Variants in CELF2 observed in about 807,000 individuals in gnomAD.
CELF2 encodes the protein CUGBP Elav-like family member 2.
A neutral mutation model predicts 62.6 loss-of-function variants in CELF2; 8 were observed. The observed-to-expected ratio is 0.13, with a 90% CI of 0.07 to 0.23. The LOEUF is 0.23. CELF2 is among the 10% of genes least tolerant of loss of function. The pLI is 1.00. For missense variants in CELF2, 333 were observed against 671.0 expected (o/e 0.50, Z 5.56); for synonymous variants, 258 against 250.0 (o/e 1.03, Z -0.30).
chr10:10,569,354 T>C, the CELF2 span, among the ~76,000 whole-genome samples: 1 of 152,172 alleles, frequency 6.6e-6, no homozygotes, highest in East Asian at 1.9e-4. Context: ...AAAGGGATTT[T>C]CCCTTATTAA....
chr10:10,852,076 G>A (rs190289599), intron 1 of CELF2, among the ~76,000 whole-genome samples: 12 of 152,322 alleles, frequency 7.9e-5, no homozygotes, highest in African/African-American at 2.6e-4. Context: ...TCTATCATAT[G>A]ATGTAACCAT....
chr10:10,473,434 G>A, the CELF2 span, among the ~76,000 whole-genome samples: 1 of 151,996 alleles, frequency 6.6e-6, no homozygotes, highest in Non-Finnish European at 1.5e-5. Flanking sequence ...TGATATATTT[G>A]TTGTTTTAAG....
the CELF2 span, among the ~76,000 whole-genome samples, chr10:10,571,706 T>C: frequency 6.6e-6 from 1 of 152,176 alleles, no homozygotes; most frequent in Admixed American, 6.5e-5. Flanking sequence ...ATCAGGATGC[T>C]TGTAAGGCTG....
chr10:10,754,470 C>T, the CELF2 span, among the ~76,000 whole-genome samples: 21 of 152,058 alleles, frequency 1.4e-4, no homozygotes, highest in Non-Finnish European at 4.4e-5. Context: ...CACTCTTAAT[C>T]GTGTTCTTTA....
the CELF2 span, among the ~76,000 whole-genome samples, chr10:10,660,059 C>T: frequency 7.2e-5 from 11 of 152,100 alleles, no homozygotes; most frequent in Non-Finnish European, 1.2e-4. Context: ...GGGCCATGAG[C>T]CAAGGAAACC....
At chr10:10,904,086 T>C (rs1210828345) in intron 1 of CELF2, among the ~76,000 whole-genome samples, 1 of 152,234 alleles carries the variant, frequency 6.6e-6, no homozygotes, top group Non-Finnish European at 1.5e-5. Flanking sequence ...GCCATCCATG[T>C]CCAGACTCAA....
At chr10:11,108,348 G>GCT (rs1554841392) in intron 1 of CELF2, among the ~76,000 whole-genome samples, 6 of 149,536 alleles carry the variant, frequency 4.0e-5, no homozygotes, top group African/African-American at 1.5e-4. Context: ...CTGGTTCACT[G>GCT]TTTTTTTGTT....
the CELF2 span, among the ~76,000 whole-genome samples, chr10:10,671,165 CAAAA>C: frequency 4.8e-5 from 3 of 62,846 alleles, no homozygotes; most frequent in Admixed American, 2.1e-4. Context: ...GATCCTGTCT[CAAAA>C]AAAAAAAAAA....
rs974089729 is a variant in CELF2, at chr10:11,318,147, C to G, written c.1097-3042C>G. On this transcript the variant is annotated intron_variant, in intron 10 of 12. Transcript: ENST00000633077. The surrounding 1 kb of genome is among the most constrained non-coding windows in gnomAD (Gnocchi z 5.4). ...AACAACATCAGGTGACTCACAGGAA[C>G]TGTTCTCAGAAGTGGAAGGCCGCCT... is the stretch of plus-strand genomic sequence containing the variant. 6.5e-6 allele frequency: 1 copy of G among 152,802 alleles called. No homozygotes were observed. The highest frequency in any genetic ancestry group is 1.5e-5 in the Non-Finnish European group (1 of 68,558). The allele number at this position is 152,802 out of a possible 1,614,324, so 9.5% of individuals were successfully genotyped here. A position where few individuals can be genotyped will look rare whatever the true frequency, so the allele number is the denominator to read the frequency against.
intron 1 of CELF2, among the ~76,000 whole-genome samples, chr10:11,123,676 G>A (rs938005994): frequency 1.3e-5 from 2 of 152,188 alleles, no homozygotes; most frequent in African/African-American, 4.8e-5. Flanking sequence ...GCTCTTTGCA[G>A]AAAAGAGCCT....
intron 2 of CELF2, among the ~76,000 whole-genome samples, chr10:10,980,439 G>A (rs2051944709): frequency 6.6e-6 from 1 of 152,124 alleles, no homozygotes; most frequent in African/African-American, 2.4e-5. Flanking sequence ...ATTGTAAGAG[G>A]CAAAAGTCCA....
intron 9 of CELF2, among the ~76,000 whole-genome samples, chr10:11,312,003 A>G (rs942807010): frequency 4.6e-5 from 7 of 152,260 alleles, no homozygotes; most frequent in Admixed American, 1.3e-4. Flanking sequence ...TGGAAGCACC[A>G]TAGTGATAAA....
intron 3 of CELF2, among the ~76,000 whole-genome samples, chr10:11,230,230 T>A (rs530838964): frequency 6.6e-6 from 1 of 152,346 alleles, no homozygotes; most frequent in South Asian, 2.1e-4. Flanking sequence ...ATACGTTAAC[T>A]AGCTTGATTG....
chr10:11,101,312 C>T (rs781490069), intron 1 of CELF2, among the ~76,000 whole-genome samples: 14 of 152,140 alleles, frequency 9.2e-5, no homozygotes, highest in Admixed American at 2.0e-4. Context: ...ATAGGATGTA[C>T]AGATCGGTAT....
chr10:10,655,964 A>T, the CELF2 span, among the ~76,000 whole-genome samples: 1 of 142,578 alleles, frequency 7.0e-6, no homozygotes, highest in Non-Finnish European at 1.5e-5. Context: ...AATTTTCGCA[A>T]CCTACTCATC....
At chr10:11,225,679 G>A (rs1371188695) in intron 3 of CELF2, among the ~76,000 whole-genome samples, 2 of 152,146 alleles carry the variant, frequency 1.3e-5, no homozygotes, top group Non-Finnish European at 2.9e-5. Flanking sequence ...GGATGGACTC[G>A]AACGAGTCAG....
At chr10:11,231,941 T>C (rs6602486) in intron 3 of CELF2, among the ~76,000 whole-genome samples, 151,373 of 152,274 alleles carry the variant, frequency 0.99, 75,251 homozygotes, top group Middle Eastern at 1. Context: ...AAAGAGAAAA[T>C]CAAATTTTAC....
At chr10:10,681,433 T>C in the CELF2 span, among the ~76,000 whole-genome samples, 1 of 152,104 alleles carries the variant, frequency 6.6e-6, no homozygotes, top group Non-Finnish European at 1.5e-5. Flanking sequence ...GTAAATATTC[T>C]AGGATATGCA....
chr10:11,257,336 C>CAAAAAAAAAAAAAA (rs61363639), intron 4 of CELF2, among the ~76,000 whole-genome samples: 22 of 114,690 alleles, frequency 1.9e-4, no homozygotes, highest in Non-Finnish European at 3.5e-4. Context: ...AGACCATCTA[C>CAAAAAAAAAAAAAA]AAAAAAAAAA....
Sources: gnomAD v4.1 joint callset for allele counts (sites outside exome capture counted in the v4.1 genomes callset) on GRCh38, gnomAD v4.1.1 for gene constraint, Gnocchi (gnomAD v3.1) non-coding constraint, MANE v1.5 for transcripts, NCBI Gene and HGNC (gene_info 2026-07-23, HGNC 2026-07-21) for gene names.